Variants in DOK1 observed in about 807,000 individuals in gnomAD.
The protein encoded by DOK1 is docking protein 1.
Under a neutral mutation model 24.0 loss-of-function variants are expected in DOK1, and 12 were observed. That is an observed-to-expected ratio of 0.50 (90% CI 0.32 to 0.81). The LOEUF (loss-of-function observed/expected upper bound fraction) is 0.81. Ranked by LOEUF, DOK1 falls within the 30% of genes least tolerant of loss-of-function variation. DOK1 has a pLI of 0.03. For synonymous variants in DOK1, 250 were observed against 260.9 expected, an observed-to-expected ratio of 0.96 and a Z score of 0.40; for missense variants, 591 against 620.7, an observed-to-expected ratio of 0.95 and a Z score of 0.51.
At chr2:74,549,751 C>G (rs1452365226), upstream of DOK1, 7 of 1,435,570 alleles carry the variant, frequency 4.9e-6, no homozygotes, top group East Asian at 1.8e-4. This position sits in a 1 kb window ranked among gnomAD's most constrained non-coding sequence, Gnocchi z 5.3. Flanking sequence ...GGTGTGGACT[C>G]TCTTGCAGCC....
In DOK1 at chr2:74,549,621, G is replaced by A; in HGVS notation, c.-358+449G>A. On this transcript the variant is annotated intron_variant, in intron 1 of 4. Transcript: ENST00000409429. The surrounding 1 kb of genome is among the most constrained non-coding windows in gnomAD (Gnocchi z 5.3). ...CCACAAGCAGGGAAAGAATCCCAGT[G>A]GCACCTTTCATGTGTCCCGCCGCCC... The A allele has an allele frequency of 6.3e-7, 1 of 1,579,638 alleles. No individual in the cohort carries two copies. The highest frequency in any genetic ancestry group is 8.6e-7 in the Non-Finnish European group (1 of 1,157,652).
At position 74,555,995 on chromosome 2, in the gene DOK1, C is replaced by T. The variant is rs529842419; in HGVS notation, c.556C>T (p.Leu186=). ...LRVEAERLTL[L]TVGAQSQILE... The stretch of plus-strand genomic sequence containing the variant: ...GGTGGAGGCTGAAAGGCTGACTCTC[C>T]TGACCGTGGGGGCCCAGAGTCAGAT... The change falls in exon 4 of 5, where the codon CTG becomes TTG. Residue 186 remains leucine, a synonymous_variant. Coordinates refer to ENST00000233668, the MANE Select transcript of DOK1 (RefSeq NM_001381.5). The surrounding 1 kb of genome is among the most constrained non-coding windows in gnomAD (Gnocchi z 6.1). The T allele has an allele frequency of 1.9e-6, 3 of 1,613,962 alleles. No homozygotes were observed. The highest frequency in any genetic ancestry group is 3.3e-5 in the Admixed American group (2 of 60,014).
chr2:74,556,747 C>T lies in DOK1; in HGVS notation c.1079C>T (p.Pro360Leu). Reference sequence around the variant, plus strand: ...AAGCTGACAGACCCCAAAGAGGATCCCATCTATGATGAACCTGAGGGCCTG... The same window carrying T: ...AAGCTGACAGACCCCAAAGAGGATCTCATCTATGATGAACCTGAGGGCCTG... ...KAKLTDPKED[P>L]IYDEPEGLAP... Residue 360 changes from proline to leucine, a missense_variant, in exon 5 of 5, where the codon CCC becomes CTC. Transcript: ENST00000233668. This position sits in a 1 kb window ranked among gnomAD's most constrained non-coding sequence, Gnocchi z 4.1. 1 of 1,614,184 alleles carries T rather than the reference C, an allele frequency of 6.2e-7. No homozygotes were observed. Among genetic ancestry groups the T allele is most frequent in the Non-Finnish European group, 8.5e-7 (1 of 1,180,036 alleles).
In DOK1 at chr2:74,554,781, G is replaced by A; in HGVS notation, c.27G>A (p.Pro9=). Residue 9 remains proline (P), a synonymous_variant, in exon 1 of 5, where the codon CCG becomes CCA. Transcript: ENST00000233668. The surrounding 1 kb of genome is among the most constrained non-coding windows in gnomAD (Gnocchi z 4.9). MDGAVMEG[P]LFLQSQRFGT... ...TGGACGGAGCAGTGATGGAAGGGCC[G>A]CTTTTTTTGCAGAGTCAGCGCTTTG... 1 of 1,614,144 alleles carries A rather than the reference G, an allele frequency of 6.2e-7. No homozygotes were observed. The highest frequency in any genetic ancestry group is 2.2e-5 in the East Asian group (1 of 44,888).
rs1243960782 is a variant in DOK1, at chr2:74,556,171, C to T, written c.639+93C>T. 13 of 1,529,056 alleles carry T rather than the reference C, an allele frequency of 8.5e-6. No individual in the cohort carries two copies. The highest frequency in any genetic ancestry group is 1.3e-5 in the South Asian group (1 of 77,830). 94.7% of individuals were successfully genotyped at this position (1,529,056 alleles called of 1,614,324 possible). A position where few individuals can be genotyped will look rare whatever the true frequency, so the allele number is the denominator to read the frequency against. ...GTGGGAAGCTCTGACCTTTGGATCC[C>T]CCTTTCTTGCCTACCCGGTGACCCC... On this transcript the variant is annotated intron_variant, in intron 4 of 4. Transcript: ENST00000233668. This position sits in a 1 kb window ranked among gnomAD's most constrained non-coding sequence, Gnocchi z 4.1.
At chr2:74,552,512 C>A (rs763243931), upstream of DOK1, 39 of 1,613,428 alleles carry the variant, frequency 2.4e-5, no homozygotes, top group Non-Finnish European at 3.3e-5. Flanking sequence ...GGAACCGAAG[C>A]CCCTGGCTCC....
chr2:74,552,645 G>T (rs777718960), upstream of DOK1: 6 of 1,529,428 alleles, frequency 3.9e-6, no homozygotes, highest in Admixed American at 4.0e-5. Context: ...GGCAGGGAAG[G>T]CCTGGGTGCC....
chr2:74,554,743 C>G lies in DOK1; in HGVS notation c.-12C>G. On this transcript the variant is annotated 5_prime_UTR_variant, in exon 1 of 5. Coordinates refer to ENST00000233668, the MANE Select transcript of DOK1 (RefSeq NM_001381.5). The surrounding 1 kb of genome is among the most constrained non-coding windows in gnomAD (Gnocchi z 4.9). ...GCAGGGCCAGGAAGCGCGGAAGGAA[C>G]CGCCGGGGGCCATGGACGGAGCAGT... The G allele has an allele frequency of 1.9e-6, 3 of 1,612,982 alleles. No homozygotes were observed. The highest frequency in any genetic ancestry group is 1.7e-6 in the Non-Finnish European group (2 of 1,179,800).
upstream of DOK1, chr2:74,554,703 G>GCCCCGCCTCCCGCCTCCCA: frequency 6.3e-7 from 1 of 1,588,746 alleles, no homozygotes; most frequent in Non-Finnish European, 8.6e-7. The surrounding 1 kb of genome is among the most constrained non-coding windows in gnomAD (Gnocchi z 4.9). Context: ...CCCGCCTCCC[G>GCCCCGCCTCCCGCCTCCCA]CCCCGCCTCC....
chr2:74,555,342 G>C lies in DOK1; in HGVS notation c.249G>C (p.Glu83Asp). The part of the protein sequence containing the change: ...VAPVTVETPP[E>D]PGATAFRLDT... ...CCGTCACCGTGGAGACCCCCCCTGA[G>C]CCCGGCGCCACTGCCTTCCGCCTGG... is the stretch of plus-strand genomic sequence containing the variant. The change falls in exon 2 of 5, where the codon GAG (glutamate) becomes GAC (aspartate). Residue 83 changes from glutamate (E) to aspartate (D), a missense_variant. Coordinates refer to ENST00000233668, the MANE Select transcript of DOK1 (RefSeq NM_001381.5). This position sits in a 1 kb window ranked among gnomAD's most constrained non-coding sequence, Gnocchi z 6.1. The C allele has an allele frequency of 6.2e-7, 1 of 1,613,922 alleles. No individual in the cohort carries two copies. The highest frequency in any genetic ancestry group is 8.5e-7 in the Non-Finnish European group (1 of 1,179,958).
At chr2:74,553,183 A>C (rs1352506463), upstream of DOK1, 1 of 153,846 alleles carries the variant, frequency 6.5e-6, no homozygotes, top group East Asian at 1.9e-4. Context: ...ACTCAGAGGG[A>C]GGACAGACAG....
chr2:74,549,494 C>T lies in DOK1; in HGVS notation c.-358+322C>T. The T allele has an allele frequency of 6.2e-7, 1 of 1,613,624 alleles. No homozygotes were observed. The highest frequency in any genetic ancestry group is 1.1e-5 in the South Asian group (1 of 91,028). Reference sequence around the variant, plus strand: ...ACCAGCCGTCAGGAAGCCTGACTTCCACCAGCCCCTCCGTCACGGGCAGGG... The same window carrying T: ...ACCAGCCGTCAGGAAGCCTGACTTCTACCAGCCCCTCCGTCACGGGCAGGG... On this transcript the variant is annotated intron_variant, in intron 1 of 4. Coordinates refer to the DOK1 transcript ENST00000409429. This position sits in a 1 kb window ranked among gnomAD's most constrained non-coding sequence, Gnocchi z 5.3.
At chr2:74,553,237 C>T (rs1053954464), upstream of DOK1, among the ~76,000 whole-genome samples, 1 of 152,156 alleles carries the variant, frequency 6.6e-6, no homozygotes, top group Non-Finnish European at 1.5e-5. Context: ...CCCTAGGCGG[C>T]CCTGGGATCA....
At chr2:74,552,472 C>T (rs1278906628), upstream of DOK1, 10 of 1,613,502 alleles carry the variant, frequency 6.2e-6, no homozygotes, top group Admixed American at 3.3e-5. Context: ...ACGCGGCCCT[C>T]GTAGGGCTTC....
chr2:74,550,374 G>C, upstream of DOK1: 1 of 1,607,350 alleles, frequency 6.2e-7, no homozygotes, highest in African/African-American at 1.3e-5. Context: ...TGAAGGGACA[G>C]AGAAGCTTGG....
At chr2:74,552,173 T>C (rs868512599), upstream of DOK1, 6 of 712,714 alleles carry the variant, frequency 8.4e-6, no homozygotes, top group Middle Eastern at 1.2e-3. Flanking sequence ...GAAGTAACTA[T>C]GTTGCTTGGT....
At position 74,549,717 on chromosome 2, in the gene DOK1, G is replaced by A; in HGVS notation, c.-358+545G>A. On this transcript the variant is annotated intron_variant, in intron 1 of 4. Coordinates refer to the DOK1 transcript ENST00000409429. The surrounding 1 kb of genome is among the most constrained non-coding windows in gnomAD (Gnocchi z 5.3). The stretch of plus-strand genomic sequence containing the variant: ...ATGGGCCCGAGGCGGCGCTGAGAGA[G>A]CGGCCACGATGGCCGCAGTCCGCGG... The A allele has an allele frequency of 6.9e-7, 1 of 1,445,448 alleles. No individual in the cohort carries two copies. Among genetic ancestry groups the A allele is most frequent in the Non-Finnish European group, 9.1e-7 (1 of 1,096,908 alleles). The allele number at this position is 1,445,448 out of a possible 1,614,324, so 89.5% of individuals were successfully genotyped here.
chr2:74,550,564 C>T (rs1676941937), upstream of DOK1, among the ~76,000 whole-genome samples: 1 of 152,096 alleles, frequency 6.6e-6, no homozygotes, highest in African/African-American at 2.4e-5. Flanking sequence ...TGGGGATACT[C>T]AAGAACCTGA....
upstream of DOK1, chr2:74,552,961 G>C: frequency 3.3e-6 from 1 of 303,144 alleles, no homozygotes; most frequent in African/African-American, 2.1e-5. Context: ...GAGAGAGGAA[G>C]ACCCAGACAG....
Sources: allele counts gnomAD v4.1 joint callset (sites outside exome capture counted in the v4.1 genomes callset), GRCh38; gene constraint gnomAD v4.1.1; non-coding constraint Gnocchi (gnomAD v3.1); transcripts MANE v1.5; gene names NCBI Gene and HGNC (gene_info 2026-07-23, HGNC 2026-07-21).